AIG1: variants seen among roughly 807,000 people sequenced by gnomAD.
The protein encoded by AIG1 is androgen induced 1.
AIG1 carries 23 observed loss-of-function variants against 31.4 expected under a neutral mutation model. That is an observed-to-expected ratio of 0.73 (90% CI 0.53 to 1.04). AIG1 has a LOEUF of 1.04. Ranked by LOEUF, AIG1 falls within the 50% of genes least tolerant of loss-of-function variation. The pLI is 0.00. For missense variants in AIG1, 274 were observed against 295.0 expected, an observed-to-expected ratio of 0.93 and a Z score of 0.52; for synonymous variants, 100 against 110.5, an observed-to-expected ratio of 0.90 and a Z score of 0.60.
intron 4 of AIG1, among the ~76,000 whole-genome samples, chr6:143,294,084 G>A (rs1254288267): frequency 3.3e-5 from 5 of 152,066 alleles, no homozygotes; most frequent in African/African-American, 4.8e-5. Context: ...TAGGAAAAGG[G>A]CCTCTATGTT....
Position 143,256,254 on chromosome 6 carries a change from A to G in AIG1, c.400-27856A>G, listed in dbSNP as rs1031860168. Among the ~76,000 whole-genome samples, 1 of 152,216 alleles carries G rather than the reference A, an allele frequency of 6.6e-6. No homozygotes were observed. Among genetic ancestry groups the G allele is most frequent in the African/African-American group, 2.4e-5 (1 of 41,462 alleles). ...AAGCAGTGAAAACAACTGGCTGGGA[A>G]ATGGACACTATGATTAAAATCTAAG... is the stretch of plus-strand genomic sequence containing the variant. On this transcript the variant is annotated intron_variant, in intron 3 of 5. Transcript: ENST00000357847. This position sits in a 1 kb window ranked among gnomAD's most constrained non-coding sequence, Gnocchi z 4.6.
intron 2 of AIG1, among the ~76,000 whole-genome samples, chr6:143,160,969 T>A (rs559757477): frequency 4.8e-4 from 73 of 152,320 alleles, no homozygotes; most frequent in South Asian, 8.3e-4. Flanking sequence ...GAGTCTCATG[T>A]GTTGTGGATG....
intron 4 of AIG1, among the ~76,000 whole-genome samples, chr6:143,313,124 G>A (rs1422739464): frequency 6.6e-6 from 1 of 152,132 alleles, no homozygotes; most frequent in African/African-American, 2.4e-5. Flanking sequence ...AATTAGTACA[G>A]CCACTATGGA....
intron 1 of AIG1, among the ~76,000 whole-genome samples, chr6:143,070,424 G>GTGCT (rs1411186609): frequency 6.6e-6 from 1 of 151,984 alleles, no homozygotes; most frequent in Non-Finnish European, 1.5e-5. Context: ...TTTTTGATTA[G>GTGCT]TGCTATTGTG....
Position 143,298,066 on chromosome 6 carries a change from CA to C in AIG1, c.515+13853del, listed in dbSNP as rs11290879. On this transcript the variant is annotated intron_variant, in intron 4 of 5. Coordinates refer to ENST00000357847, the MANE Select transcript of AIG1 (RefSeq NM_016108.4). The surrounding 1 kb of genome is among the most constrained non-coding windows in gnomAD (Gnocchi z 5.1). ...AATTTAGCCCTGTGACATTCTGCTG[CA>C]AAAAAAAAAAACATTGGATAAGAAA... 0.27 allele frequency among the ~76,000 whole-genome samples: 38,284 copies of C among 141,442 alleles called. 5,962 individuals are homozygous for C. The highest frequency in any genetic ancestry group is 0.46 in the African/African-American group (18,160 of 39,388). 92.8% of individuals were successfully genotyped at this position (141,442 alleles called of 152,430 possible). A position where few individuals can be genotyped will look rare whatever the true frequency, so the allele number is the denominator to read the frequency against.
intron 1 of AIG1, among the ~76,000 whole-genome samples, chr6:143,087,382 G>C (rs1167088713): frequency 6.6e-6 from 1 of 152,222 alleles, no homozygotes; most frequent in Non-Finnish European, 1.5e-5. Context: ...GGTCATGGAA[G>C]AGAACCATGG....
chr6:143,255,581 G>A (rs1469184107), intron 3 of AIG1, among the ~76,000 whole-genome samples: 1 of 152,124 alleles, frequency 6.6e-6, no homozygotes, highest in Non-Finnish European at 1.5e-5. Flanking sequence ...AGTCACTGTG[G>A]GGGTTAATGC....
At chr6:143,251,347 C>T (rs1009541826) in intron 3 of AIG1, among the ~76,000 whole-genome samples, 6 of 152,254 alleles carry the variant, frequency 3.9e-5, no homozygotes, top group Middle Eastern at 3.4e-3. Flanking sequence ...CCACCGTGCC[C>T]GGCCGATTGT....
At chr6:143,219,403 G>A (rs1048561173) in intron 3 of AIG1, among the ~76,000 whole-genome samples, 9 of 152,156 alleles carry the variant, frequency 5.9e-5, no homozygotes, top group Admixed American at 1.3e-4. Flanking sequence ...CTAAGAGGTC[G>A]AGGCTGCCGT....
chr6:143,302,157 T>C (rs939827139), intron 4 of AIG1, among the ~76,000 whole-genome samples: 6 of 152,064 alleles, frequency 3.9e-5, no homozygotes, highest in African/African-American at 1.4e-4. Flanking sequence ...ATTCTACTTT[T>C]TTTTTTCAGA....
chr6:143,117,848 T>G lies in AIG1; in HGVS notation c.142-18987T>G, dbSNP rs547666130. On this transcript the variant is annotated intron_variant, in intron 1 of 5. Coordinates refer to ENST00000357847, the MANE Select transcript of AIG1 (RefSeq NM_016108.4). ...AAAATGTGGTACCTCATGAGGTACCTTCACTCTGTTCACTGTGGCCGCCTC... is the reference window on the plus strand; with the variant it reads ...AAAATGTGGTACCTCATGAGGTACCGTCACTCTGTTCACTGTGGCCGCCTC... Among the ~76,000 whole-genome samples, 10 of 152,250 alleles carry G rather than the reference T, an allele frequency of 6.6e-5. No individual in the cohort carries two copies. The South Asian group carries it at 1.9e-3, about 28-fold the overall frequency.
Position 143,330,470 on chromosome 6 carries a change from A to T in AIG1, c.516-2812A>T, listed in dbSNP as rs530195873. Among the ~76,000 whole-genome samples the T allele has an allele frequency of 2.7e-3, 417 of 152,156 alleles. 1 individual carries two copies. Among genetic ancestry groups the T allele is most frequent in the African/African-American group, 9.7e-3 (402 of 41,520 alleles). On this transcript the variant is annotated intron_variant, in intron 4 of 5. Transcript: ENST00000357847. The surrounding 1 kb of genome is among the most constrained non-coding windows in gnomAD (Gnocchi z 4.4). ...AATACAAAAGCCTGGAGGCAGAGAG[A>T]GCTTAGAGTGTTCGAGGAACACCAA...
intron 1 of AIG1, among the ~76,000 whole-genome samples, chr6:143,122,546 G>T (rs1337658460): frequency 1.3e-5 from 2 of 152,116 alleles, no homozygotes; most frequent in African/African-American, 4.8e-5. Flanking sequence ...TAATAATTGT[G>T]TACATAGTTG....
chr6:143,236,698 C>G (rs1011909161), intron 3 of AIG1, among the ~76,000 whole-genome samples: 1 of 152,124 alleles, frequency 6.6e-6, no homozygotes, highest in Non-Finnish European at 1.5e-5. Context: ...AGCTTTTTTC[C>G]TCTTCAAACT....
rs1777830197 is a variant in AIG1, at chr6:143,340,833, T to C, written c.*1157T>C. Reference sequence around the variant, plus strand: ...ATTATTTTTAAGATGAAAAATATGTTATATAAATTATAAAATGTTACTTAA... The same window carrying C: ...ATTATTTTTAAGATGAAAAATATGTCATATAAATTATAAAATGTTACTTAA... On this transcript the variant is annotated 3_prime_UTR_variant, in exon 6 of 6. Coordinates refer to ENST00000357847, the MANE Select transcript of AIG1 (RefSeq NM_016108.4). 1.3e-5 allele frequency among the ~76,000 whole-genome samples: 2 copies of C among 151,788 alleles called. No individual in the cohort carries two copies. Among genetic ancestry groups the C allele is most frequent in the Admixed American group, 1.3e-4 (2 of 15,278 alleles).
At chr6:143,203,250 G>A (rs1350817214) in intron 3 of AIG1, among the ~76,000 whole-genome samples, 3 of 152,202 alleles carry the variant, frequency 2.0e-5, no homozygotes, top group Non-Finnish European at 4.4e-5. Flanking sequence ...TAGCTAGACA[G>A]TCCTGTGGCC....
intron 3 of AIG1, among the ~76,000 whole-genome samples, chr6:143,273,157 A>T (rs1199291620): frequency 6.6e-6 from 1 of 152,248 alleles, no homozygotes; most frequent in Non-Finnish European, 1.5e-5. Context: ...AATATTTTAA[A>T]GAAGAGAACC....
intron 3 of AIG1, among the ~76,000 whole-genome samples, chr6:143,233,395 C>T (rs942484948): frequency 3.3e-5 from 5 of 151,486 alleles, no homozygotes; most frequent in South Asian, 4.2e-4. Context: ...GGTGGTTTGA[C>T]GAGATAAAGA....
intron 2 of AIG1, among the ~76,000 whole-genome samples, chr6:143,162,038 C>G (rs764551652): frequency 1.1e-4 from 16 of 152,142 alleles, no homozygotes; most frequent in Non-Finnish European, 2.2e-4. Context: ...AAATGCAAAA[C>G]TATTTCTAAA....
Sources: allele counts gnomAD v4.1 joint callset (sites outside exome capture counted in the v4.1 genomes callset), GRCh38; gene constraint gnomAD v4.1.1; non-coding constraint Gnocchi (gnomAD v3.1); transcripts MANE v1.5; gene names NCBI Gene and HGNC (gene_info 2026-07-23, HGNC 2026-07-21).